ZFHX3: variants seen among roughly 807,000 people sequenced by gnomAD.
ZFHX3 encodes zinc finger homeobox protein 3.
Under a neutral mutation model 279.1 loss-of-function variants are expected in ZFHX3, and 42 were observed. The observed-to-expected ratio is 0.15, with a 90% CI of 0.12 to 0.19. ZFHX3 has a LOEUF of 0.19. Among genes scored for constraint, ZFHX3 ranks in the 10% least tolerant of loss-of-function variants. ZFHX3 has a pLI of 1.00. For missense variants in ZFHX3, 4,981 were observed against 4,754.0 expected, an observed-to-expected ratio of 1.05 and a Z score of -1.40; for synonymous variants, 2,293 against 1,957.8, an observed-to-expected ratio of 1.17 and a Z score of -4.52.
rs540253425 is a variant in ZFHX3 at position 72,957,807 on chromosome 16, G to C, written c.2339C>G (p.Ala780Gly). The C allele has an allele frequency of 2.5e-6, 4 of 1,590,328 alleles. No individual in the cohort carries two copies. The highest frequency in any genetic ancestry group is 3.4e-6 in the Non-Finnish European group (4 of 1,163,090). Reference sequence around the variant, plus strand: ...GCTACTGATATTGGCTGCCGCCGCCGCCGCAGCCACCGCCGCCGCCGCCGC... The same window carrying C: ...GCTACTGATATTGGCTGCCGCCGCCCCCGCAGCCACCGCCGCCGCCGCCGC... The part of the protein sequence containing the change: ...AGAAAAAVAA[A>G]AAAANISSSC... Residue 780 changes from alanine (A) to glycine (G), a missense_variant, in exon 2 of 10, where the codon GCG (alanine) becomes GGG (glycine). Ala to Gly is a moderately conservative substitution (Grantham distance 60). Coordinates refer to ENST00000268489, the MANE Select transcript of ZFHX3 (RefSeq NM_006885.4).
chr16:73,884,991 T>C (rs1413253919), intron 1 of ZFHX3, among the ~76,000 whole-genome samples: 4 of 152,154 alleles, frequency 2.6e-5, no homozygotes, highest in Non-Finnish European at 4.4e-5. Flanking sequence ...TAGCCAGTTA[T>C]AGCAATGCTT....
chr16:73,870,033 G>A (rs1962121695), intron 1 of ZFHX3, among the ~76,000 whole-genome samples: 1 of 152,150 alleles, frequency 6.6e-6, no homozygotes, highest in Non-Finnish European at 1.5e-5. Flanking sequence ...TGAATCTTTG[G>A]AAAAGAAAAC....
chr16:72,920,537 A>G (rs2039558429), intron 3 of ZFHX3, among the ~76,000 whole-genome samples: 1 of 151,946 alleles, frequency 6.6e-6, no homozygotes. Context: ...AGAAAAAAAA[A>G]AATTATCTGG....
intron 3 of ZFHX3, among the ~76,000 whole-genome samples, chr16:73,389,745 C>A (rs557113589): frequency 1.4e-4 from 21 of 152,332 alleles, no homozygotes; most frequent in African/African-American, 4.8e-4. Flanking sequence ...TGGGGCCAGT[C>A]AGGAAAAGGG....
intron 5 of ZFHX3, among the ~76,000 whole-genome samples, chr16:73,160,772 CTTT>C (rs200196890): frequency 3.1e-5 from 4 of 127,954 alleles, no homozygotes; most frequent in African/African-American, 2.8e-5. Context: ...CTTTTCTCTT[CTTT>C]TTTTTTTTTT....
chr16:73,284,016 G>A (rs1332743543), intron 4 of ZFHX3, among the ~76,000 whole-genome samples: 1 of 151,856 alleles, frequency 6.6e-6, no homozygotes, highest in Non-Finnish European at 1.5e-5. Context: ...TAGGCAAAGA[G>A]AAGAAAATAA....
intron 4 of ZFHX3, among the ~76,000 whole-genome samples, chr16:73,265,276 T>C (rs2013944268): frequency 6.6e-6 from 1 of 152,086 alleles, no homozygotes; most frequent in African/African-American, 2.4e-5. Context: ...CGGCTGGGGA[T>C]CTGGAAATCC....
chr16:73,734,375 G>A (rs2053592635), intron 1 of ZFHX3, among the ~76,000 whole-genome samples: 1 of 152,148 alleles, frequency 6.6e-6, no homozygotes, highest in Non-Finnish European at 1.5e-5. Flanking sequence ...GAAAGCCTAT[G>A]ATTTTGTAGC....
At chr16:73,171,518 C>A (rs539646584) in intron 5 of ZFHX3, among the ~76,000 whole-genome samples, 4 of 144,068 alleles carry the variant, frequency 2.8e-5, no homozygotes, top group Non-Finnish European at 4.5e-5. Context: ...GGGGGGCGGG[C>A]AGAGTGAACC....
intron 2 of ZFHX3, among the ~76,000 whole-genome samples, chr16:73,661,104 T>G (rs1049995914): frequency 2.0e-5 from 3 of 152,192 alleles, no homozygotes; most frequent in African/African-American, 7.2e-5. Flanking sequence ...TTTCTTAAAC[T>G]TCTATGGACA....
intron 2 of ZFHX3, among the ~76,000 whole-genome samples, chr16:73,523,042 G>A (rs2019632444): frequency 6.6e-6 from 1 of 152,102 alleles, no homozygotes. Context: ...TGGCAATTAT[G>A]GGAACTACAA....
intron 5 of ZFHX3, among the ~76,000 whole-genome samples, chr16:73,223,202 A>G (rs2012480224): frequency 6.6e-6 from 1 of 152,150 alleles, no homozygotes; most frequent in East Asian, 1.9e-4. Context: ...TGGTCCATGA[A>G]TGAAAGAATT....
Position 73,705,195 on chromosome 16 carries a change from T to A in ZFHX3, c.-1607-24955A>T, listed in dbSNP as rs573030070. On this transcript the variant is annotated intron_variant, in intron 1 of 17. Coordinates refer to the ZFHX3 transcript ENST00000641206. Reference sequence around the variant, plus strand: ...TTAATTATAAATGTGTGTCACTTAATGTTTAATAATGGCCGTGTTTAGCAA... The same window carrying A: ...TTAATTATAAATGTGTGTCACTTAAAGTTTAATAATGGCCGTGTTTAGCAA... Among the ~76,000 whole-genome samples, 6 of 152,354 alleles carry A rather than the reference T, an allele frequency of 3.9e-5. No individual in the cohort carries two copies. The South Asian group carries it at 1.2e-3, about 32-fold the overall frequency.
At chr16:73,682,987 AAAGAAAAG>A (rs1567550807) in intron 1 of ZFHX3, among the ~76,000 whole-genome samples, 1,111 of 36,340 alleles carry the variant, frequency 0.031, 83 homozygotes, top group Non-Finnish European at 0.035. Context: ...AGAAAGAAAG[AAAGAAAAG>A]AAAGAAAGAA....
Position 73,473,371 on chromosome 16 carries a change from AACAAAAT to A in ZFHX3, c.-1546-17120_-1546-17114del, listed in dbSNP as rs2018710005. Among the ~76,000 whole-genome samples, 35 of 150,676 alleles carry A rather than the reference AACAAAAT, an allele frequency of 2.3e-4. 1 individual carries two copies. Among genetic ancestry groups the A allele is most frequent in the African/African-American group, 8.2e-4 (33 of 40,292 alleles). On this transcript the variant is annotated intron_variant, in intron 2 of 17. Transcript: ENST00000641206. Reference sequence around the variant, plus strand: ...AAAAAAAAAAAACAAAAAAAAAAAAAACAAAATAATAAGCTATGTGAGCTGACTTGTG... The same window carrying A: ...AAAAAAAAAAAACAAAAAAAAAAAAAAATAAGCTATGTGAGCTGACTTGTG...
chr16:73,281,544 T>G (rs2014457810), intron 4 of ZFHX3, among the ~76,000 whole-genome samples: 1 of 152,226 alleles, frequency 6.6e-6, no homozygotes, highest in Admixed American at 6.5e-5. Flanking sequence ...CTAACAATAC[T>G]GTGCCTGTGC....
In ZFHX3 at chr16:73,431,851, T is replaced by C. The variant is rs77549230; in HGVS notation, c.-1291+24152A>G. Among the ~76,000 whole-genome samples the C allele has an allele frequency of 1.0e-3, 157 of 152,236 alleles. 2 individuals carry two copies. The East Asian group carries it at 0.026, about 26-fold the overall frequency. ...GGCCTTCACGGGACAAGCTGGGGTC[T>C]CCCAGTAGTGTCATTGGAGGTGAGT... On this transcript the variant is annotated intron_variant, in intron 3 of 17. Coordinates refer to the ZFHX3 transcript ENST00000641206.
At chr16:73,398,998 G>A (rs1328199680) in intron 3 of ZFHX3, among the ~76,000 whole-genome samples, 2 of 151,360 alleles carry the variant, frequency 1.3e-5, no homozygotes, top group Admixed American at 6.6e-5. Flanking sequence ...CCAAGTAGCT[G>A]GGACTACAGG....
At chr16:73,443,036 A>G (rs79138044) in intron 3 of ZFHX3, among the ~76,000 whole-genome samples, 2,256 of 152,232 alleles carry the variant, frequency 0.015, 56 homozygotes, top group African/African-American at 0.052. Context: ...CTTCATTTTA[A>G]CTTTATTACC....
Sources: gnomAD v4.1 joint callset for allele counts (sites outside exome capture counted in the v4.1 genomes callset) on GRCh38, gnomAD v4.1.1 for gene constraint, MANE v1.5 for transcripts, NCBI Gene and HGNC (gene_info 2026-07-23, HGNC 2026-07-21) for gene names.